The following LSAMP variants were observed in gnomAD, a reference collection of about 807,000 sequenced individuals.
LSAMP encodes limbic system-associated membrane protein.
Under a neutral mutation model 38.6 loss-of-function variants are expected in LSAMP, and 7 were observed. The observed-to-expected ratio is 0.18, with a 90% CI of 0.10 to 0.34. The LOEUF is 0.34. Ranked by LOEUF, LSAMP falls within the 10% of genes least tolerant of loss-of-function variation. The pLI, the probability that LSAMP is intolerant of heterozygous loss-of-function variation, is 1.00. For synonymous variants in LSAMP, 154 were observed against 166.8 expected (o/e 0.92, Z 0.59); for missense variants, 313 against 420.0 (o/e 0.75, Z 2.23).
intron 1 of LSAMP, among the ~76,000 whole-genome samples, chr3:116,381,321 G>A (rs1352694816): frequency 1.3e-5 from 2 of 152,028 alleles, no homozygotes; most frequent in African/African-American, 4.8e-5. Context: ...ATACACGTAT[G>A]TATTTGTGTG....
intron 1 of LSAMP, among the ~76,000 whole-genome samples, chr3:116,366,820 T>C (rs2048360559): frequency 6.6e-6 from 1 of 152,152 alleles, no homozygotes. Context: ...GGGCTATTGA[T>C]TTGGACATTT....
intron 1 of LSAMP, among the ~76,000 whole-genome samples, chr3:116,418,331 A>C (rs1470228289): frequency 6.6e-6 from 1 of 152,232 alleles, no homozygotes; most frequent in South Asian, 2.1e-4. Flanking sequence ...ATGTGTAAAA[A>C]CCCAATTTGT....
chr3:115,932,403 C>G (rs1937593934), intron 3 of LSAMP, among the ~76,000 whole-genome samples: 1 of 152,048 alleles, frequency 6.6e-6, no homozygotes, highest in Non-Finnish European at 1.5e-5. Flanking sequence ...TGAATGGATA[C>G]TTTTTAAAAA....
chr3:116,045,541 T>TA (rs10662058), intron 2 of LSAMP, among the ~76,000 whole-genome samples: 13,079 of 75,840 alleles, frequency 0.17, 895 homozygotes, highest in African/African-American at 0.2. Context: ...GTGGAGGTGG[T>TA]AAAAAAAAAA....
At chr3:115,987,115 G>C (rs1033129040) in intron 3 of LSAMP, among the ~76,000 whole-genome samples, 1 of 152,118 alleles carries the variant, frequency 6.6e-6, no homozygotes, top group Non-Finnish European at 1.5e-5. Context: ...CTCTCTGGAG[G>C]TCAGAGCGCT....
chr3:115,996,529 T>TA (rs1027421557), intron 3 of LSAMP, among the ~76,000 whole-genome samples: 3 of 151,956 alleles, frequency 2.0e-5, no homozygotes, highest in Admixed American at 6.6e-5. Flanking sequence ...CCCCTTAAAT[T>TA]AAAAAAAACA....
At chr3:115,998,863 G>A (rs1040898494) in intron 3 of LSAMP, among the ~76,000 whole-genome samples, 1 of 151,956 alleles carries the variant, frequency 6.6e-6, no homozygotes, top group Non-Finnish European at 1.5e-5. Context: ...TCTCCTCTTA[G>A]GGTCCTTACT....
At chr3:116,397,969 T>C (rs1351310224) in intron 1 of LSAMP, among the ~76,000 whole-genome samples, 1 of 151,966 alleles carries the variant, frequency 6.6e-6, no homozygotes, top group Non-Finnish European at 1.5e-5. Flanking sequence ...TTTTGTAGAT[T>C]TTTCTCATGC....
At chr3:116,091,611 G>A (rs1161748695) in intron 1 of LSAMP, among the ~76,000 whole-genome samples, 2 of 152,336 alleles carry the variant, frequency 1.3e-5, no homozygotes, top group Non-Finnish European at 2.9e-5. Context: ...CATGGCTTCA[G>A]CCGGTCCCTC....
intron 3 of LSAMP, among the ~76,000 whole-genome samples, chr3:115,955,196 A>C (rs1218927297): frequency 6.6e-6 from 1 of 152,020 alleles, no homozygotes; most frequent in Non-Finnish European, 1.5e-5. Flanking sequence ...GGCCTCCCAA[A>C]GTGCTGGGAT....
chr3:115,917,758 T>A (rs1469926320), intron 3 of LSAMP, among the ~76,000 whole-genome samples: 1 of 152,066 alleles, frequency 6.6e-6, no homozygotes, highest in African/African-American at 2.4e-5. Flanking sequence ...CAAAATGGAA[T>A]GGGATTTTCT....
intron 1 of LSAMP, among the ~76,000 whole-genome samples, chr3:116,410,292 T>A (rs2048955058): frequency 6.6e-6 from 1 of 151,944 alleles, no homozygotes; most frequent in Non-Finnish European, 1.5e-5. Flanking sequence ...GCTTAAATAT[T>A]GAAATGACAA....
rs957125262 is a variant in LSAMP at position 116,041,033 on chromosome 3, C to T, written c.389-21393G>A. 2.6e-5 allele frequency among the ~76,000 whole-genome samples: 4 copies of T among 152,334 alleles called. No homozygotes were observed. In the Middle Eastern group the frequency reaches 0.014, roughly 518 times the overall value. On this transcript the variant is annotated intron_variant, in intron 2 of 6. Transcript: ENST00000490035. The stretch of plus-strand genomic sequence containing the variant: ...CAACCTCCTGGGCTCAAGTGAGCAT[C>T]CCGCCTCAGCTTCCAGAGTAGCTGG...
chr3:116,436,414 CCA>C (rs141450086), intron 1 of LSAMP, among the ~76,000 whole-genome samples: 1 of 152,232 alleles, frequency 6.6e-6, no homozygotes, highest in East Asian at 1.9e-4. Flanking sequence ...AACAGACAAC[CCA>C]CAGACTGGGA....
intron 3 of LSAMP, among the ~76,000 whole-genome samples, chr3:115,862,842 C>T (rs1935746312): frequency 6.6e-6 from 1 of 152,168 alleles, no homozygotes; most frequent in African/African-American, 2.4e-5. Context: ...TTTAGCCTTT[C>T]TGTAAAGCAG....
At chr3:116,257,290 G>A (rs1006989914) in intron 1 of LSAMP, among the ~76,000 whole-genome samples, 1 of 152,092 alleles carries the variant, frequency 6.6e-6, no homozygotes, top group Non-Finnish European at 1.5e-5. Context: ...CCCTCAGAAG[G>A]CTGGGAGGTG....
chr3:115,933,056 G>A (rs931371251), intron 3 of LSAMP, among the ~76,000 whole-genome samples: 8 of 152,134 alleles, frequency 5.3e-5, no homozygotes, highest in African/African-American at 1.4e-4. Context: ...TGGAATAAGC[G>A]AAGTGAGAGC....
chr3:115,877,870 G>T (rs1936223972), intron 3 of LSAMP, among the ~76,000 whole-genome samples: 1 of 152,004 alleles, frequency 6.6e-6, no homozygotes, highest in South Asian at 2.1e-4. Context: ...TTAAAATGTG[G>T]TTCCCATCCT....
At chr3:116,413,071 G>A (rs1311756429) in intron 1 of LSAMP, among the ~76,000 whole-genome samples, 1 of 151,954 alleles carries the variant, frequency 6.6e-6, no homozygotes, top group East Asian at 1.9e-4. Flanking sequence ...GTTCCACCTA[G>A]CAATCCATTT....
Sources: gnomAD v4.1 joint callset for allele counts (sites outside exome capture counted in the v4.1 genomes callset) on GRCh38, gnomAD v4.1.1 for gene constraint, MANE v1.5 for transcripts, NCBI Gene and HGNC (gene_info 2026-07-23, HGNC 2026-07-21) for gene names.